AFAP1: variants seen among roughly 807,000 people sequenced by gnomAD.
AFAP1 encodes the protein actin filament associated protein 1, also known as actin filament-associated protein 1.
A neutral mutation model predicts 93.9 loss-of-function variants in AFAP1; 75 were observed. The ratio of observed to expected loss-of-function variants is 0.80; its 90% confidence interval spans 0.66 to 0.97. AFAP1 has a LOEUF of 0.97. Ranked by LOEUF, AFAP1 falls within the 50% of genes least tolerant of loss-of-function variation. The pLI, the probability that AFAP1 is intolerant of heterozygous loss-of-function variation, is 0.00. For synonymous variants in AFAP1, 517 were observed against 430.7 expected (o/e 1.20, Z -2.48); for missense variants, 1,201 against 1,050.8 (o/e 1.14, Z -1.98).
intron 3 of AFAP1, among the ~76,000 whole-genome samples, chr4:7,858,567 G>A (rs1012837027): frequency 6.6e-6 from 1 of 152,084 alleles, no homozygotes; most frequent in African/African-American, 2.4e-5. Flanking sequence ...AATTCACTGA[G>A]AGCACAATTA....
rs1286026124 is a variant in AFAP1, at chr4:7,793,162, A to AT, written c.1412+518dup. 8.0e-3 allele frequency among the ~76,000 whole-genome samples: 949 copies of AT among 118,972 alleles called. 7 individuals are homozygous for AT. Among genetic ancestry groups the AT allele is most frequent in the African/African-American group, 0.026 (826 of 31,382 alleles). The allele number at this position is 118,972 out of a possible 152,430, so 78.1% of individuals were successfully genotyped here. A position where few individuals can be genotyped will look rare whatever the true frequency, so the allele number is the denominator to read the frequency against. ...GGACGTTTTTATAGATGACTGCAGCATTTTTTTTTTTAAAAAAATCACAAT... is the reference window on the plus strand; with the variant it reads ...GGACGTTTTTATAGATGACTGCAGCATTTTTTTTTTTTAAAAAAATCACAAT... On this transcript the variant is annotated intron_variant, in intron 11 of 17. Transcript: ENST00000420658.
At chr4:7,812,311 G>A (rs193170072) in intron 8 of AFAP1, among the ~76,000 whole-genome samples, 175 of 152,184 alleles carry the variant, frequency 1.1e-3, no homozygotes, top group African/African-American at 4.0e-3. Flanking sequence ...CCCAGAAAAT[G>A]CAGCTCATCG....
At chr4:7,775,090 G>A in intron 14 of AFAP1, 187 bp from the exon 15 acceptor site, 1 of 644,798 alleles carries the variant, frequency 1.6e-6, no homozygotes, top group Non-Finnish European at 2.6e-6. Context: ...GCAGTGAGCT[G>A]TGATCCTGCC....
chr4:7,915,870 T>C (rs1014482938), intron 1 of AFAP1, among the ~76,000 whole-genome samples: 1 of 152,224 alleles, frequency 6.6e-6, no homozygotes, highest in South Asian at 2.1e-4. Flanking sequence ...TAGCAAGGAA[T>C]AGCGGATAAA....
At chr4:7,862,308 A>T (rs1379996083) in intron 3 of AFAP1, 1 of 151,424 alleles carries the variant, frequency 6.6e-6, no homozygotes, top group East Asian at 1.9e-4. Flanking sequence ...ACTCCAGCCT[A>T]AGCAACAGAA....
Position 7,836,957 on chromosome 4 carries a change from T to C in AFAP1, c.726+1567A>G, listed in dbSNP as rs574986933. On this transcript the variant is annotated intron_variant, in intron 6 of 17. Transcript: ENST00000420658. ...CCCTAATATAATGCCTAGCGTGAACTTGAGATAACCTGGCACAAGGATGAC... is the reference window on the plus strand; with the variant it reads ...CCCTAATATAATGCCTAGCGTGAACCTGAGATAACCTGGCACAAGGATGAC... 2.6e-5 allele frequency among the ~76,000 whole-genome samples: 4 copies of C among 152,278 alleles called. No individual in the cohort carries two copies. In the East Asian group the frequency reaches 7.7e-4, roughly 29 times the overall value.
At position 7,768,096 on chromosome 4, in the gene AFAP1, G is replaced by A. The variant is rs772531063; in HGVS notation, c.2418+748C>T. On this transcript the variant is annotated intron_variant, in intron 17 of 17. Transcript: ENST00000420658. ...CCTCAAAAAAAGAAAAGTTAATTCC[G>A]GCAATGAGAGGAACCCACAGAGCCG... is the stretch of plus-strand genomic sequence containing the variant. Among the ~76,000 whole-genome samples, 28 of 152,186 alleles carry A rather than the reference G, an allele frequency of 1.8e-4. 1 individual carries two copies. Among genetic ancestry groups the A allele is most frequent in the Non-Finnish European group, 3.5e-4 (24 of 68,038 alleles).
chr4:7,867,612 T>G (rs1716571958), intron 3 of AFAP1, among the ~76,000 whole-genome samples: 1 of 152,238 alleles, frequency 6.6e-6, no homozygotes, highest in African/African-American at 2.4e-5. Flanking sequence ...CTACTTATTT[T>G]ATGATGTTGA....
intron 1 of AFAP1, among the ~76,000 whole-genome samples, chr4:7,929,654 A>G (rs978365372): frequency 3.9e-5 from 6 of 152,082 alleles, no homozygotes; most frequent in African/African-American, 1.4e-4. Flanking sequence ...GTCCCAGCCT[A>G]CAGTCAGCTC....
intron 3 of AFAP1, among the ~76,000 whole-genome samples, chr4:7,864,301 CT>C (rs1213518807): frequency 3.3e-5 from 5 of 152,190 alleles, no homozygotes. Flanking sequence ...CTGGCTTTTG[CT>C]TTAATTTACA....
chr4:7,810,386 G>A lies in AFAP1; in HGVS notation c.905-623C>T, dbSNP rs138631912. ...CCATGCACATCTCAGGGAGAAAACCGTCCAGGTAAGAAAAACATCACTGAC... is the reference window on the plus strand; with the variant it reads ...CCATGCACATCTCAGGGAGAAAACCATCCAGGTAAGAAAAACATCACTGAC... On this transcript the variant is annotated intron_variant, in intron 8 of 17. Transcript: ENST00000420658. Among the ~76,000 whole-genome samples the A allele has an allele frequency of 4.5e-3, 689 of 152,314 alleles. 1 individual carries two copies. The highest frequency in any genetic ancestry group is 7.0e-3 in the Non-Finnish European group (479 of 68,026).
intron 17 of AFAP1, among the ~76,000 whole-genome samples, chr4:7,765,179 A>C (rs1714383014): frequency 6.6e-6 from 1 of 152,150 alleles, no homozygotes. Flanking sequence ...GCTGGGCCCC[A>C]AAACCACTGG....
intron 7 of AFAP1, among the ~76,000 whole-genome samples, chr4:7,817,889 T>C (rs1199360792): frequency 6.6e-6 from 1 of 152,060 alleles, no homozygotes; most frequent in Non-Finnish European, 1.5e-5. Context: ...GCATCCTCTA[T>C]GTGCTGTTGT....
chr4:7,916,292 C>T (rs187424408), intron 1 of AFAP1, among the ~76,000 whole-genome samples: 24 of 152,282 alleles, frequency 1.6e-4, no homozygotes, highest in African/African-American at 5.1e-4. Context: ...GCCAAAATAG[C>T]AGAGAAAACA....
chr4:7,927,783 G>A (rs189825182), intron 1 of AFAP1, among the ~76,000 whole-genome samples: 22 of 152,194 alleles, frequency 1.4e-4, no homozygotes, highest in African/African-American at 5.3e-4. Flanking sequence ...GAGAAGGGGG[G>A]ATAAAAATTT....
intron 1 of AFAP1, among the ~76,000 whole-genome samples, chr4:7,895,818 C>T (rs1718727786): frequency 6.6e-6 from 1 of 151,206 alleles, no homozygotes; most frequent in Non-Finnish European, 1.5e-5. Context: ...TCACACTTTA[C>T]CACTTCTACA....
Position 7,778,870 on chromosome 4 carries a change from C to G in AFAP1, c.1789G>C (p.Gly597Arg). 6.2e-7 allele frequency: 1 copy of G among 1,606,716 alleles called. No individual in the cohort carries two copies. Among genetic ancestry groups the G allele is most frequent in the South Asian group, 1.1e-5 (1 of 90,862 alleles). ...TTAGACGCCACGGGGGGCTTTTTACCCTTGAGCTGTTGAAATAAACATATA... is the reference window on the plus strand; with the variant it reads ...TTAGACGCCACGGGGGGCTTTTTACGCTTGAGCTGTTGAAATAAACATATA... Reference protein sequence around the residue: ...ASLGLNSQLKGKKPPVASNGV... With the variant: ...ASLGLNSQLKRKKPPVASNGV... The change falls in exon 14 of 18, where the codon GGT (glycine) becomes CGT (arginine). Residue 597 changes from glycine to arginine, a missense_variant. Coordinates refer to ENST00000420658, the MANE Select transcript of AFAP1 (RefSeq NM_001134647.2).
At chr4:7,840,163 C>A (rs1383358897) in intron 5 of AFAP1, among the ~76,000 whole-genome samples, 1 of 152,042 alleles carries the variant, frequency 6.6e-6, no homozygotes, top group Non-Finnish European at 1.5e-5. Flanking sequence ...ACGTGCAGAG[C>A]CTGCATCTTG....
At position 7,891,442 on chromosome 4, in the gene AFAP1, T is replaced by C. The variant is rs555715619; in HGVS notation, c.-2-19362A>G. On this transcript the variant is annotated intron_variant, in intron 1 of 17. Transcript: ENST00000420658. ...ACGTAAAATTCAACAGGAAACACTA[T>C]ATATTCTAACTGATAATACTAGATC... Among the ~76,000 whole-genome samples, 45 of 151,990 alleles carry C rather than the reference T, an allele frequency of 3.0e-4. No individual in the cohort carries two copies. The South Asian group carries it at 9.1e-3, about 31-fold the overall frequency.
Sources: gnomAD v4.1 joint callset for allele counts (sites outside exome capture counted in the v4.1 genomes callset) on GRCh38, gnomAD v4.1.1 for gene constraint, MANE v1.5 for transcripts, NCBI Gene and HGNC (gene_info 2026-07-23, HGNC 2026-07-21) for gene names.